EIF2AK4: variants seen among roughly 807,000 people sequenced by gnomAD.
The protein encoded by EIF2AK4 is eukaryotic translation initiation factor 2 alpha kinase 4.
EIF2AK4 carries 139 observed loss-of-function variants against 211.1 expected under a neutral mutation model. The observed-to-expected ratio is 0.66, with a 90% CI of 0.57 to 0.76. The LOEUF is 0.76. Ranked by LOEUF, EIF2AK4 falls within the 30% of genes least tolerant of loss-of-function variation. EIF2AK4 has a pLI of 0.00. For synonymous variants in EIF2AK4, 710 were observed against 751.3 expected, an observed-to-expected ratio of 0.94 and a Z score of 0.90; for missense variants, 1,664 against 2,043.8, an observed-to-expected ratio of 0.81 and a Z score of 3.58.
At chr15:39,958,707 A>G (rs1424425230) in intron 6 of EIF2AK4, among the ~76,000 whole-genome samples, 1 of 152,064 alleles carries the variant, frequency 6.6e-6, no homozygotes, top group Non-Finnish European at 1.5e-5. Context: ...TAGAACTAGC[A>G]TTTTCTGTGG....
chr15:40,025,882 C>T, intron 32 of EIF2AK4, 95 bp from the exon 33 acceptor site: 2 of 1,221,666 alleles, frequency 1.6e-6, no homozygotes, highest in African/African-American at 1.5e-5. Context: ...ACCACTGACC[C>T]AAACTATTGA....
intron 7 of EIF2AK4, among the ~76,000 whole-genome samples, chr15:39,964,157 G>C (rs940631369): frequency 6.6e-6 from 1 of 152,138 alleles, no homozygotes; most frequent in African/African-American, 2.4e-5. Context: ...AATAAAAACT[G>C]CTTGTCAGAT....
rs201755923 is a variant in EIF2AK4 at position 40,024,717 on chromosome 15, CTG to C, written c.4390-1259_4390-1258del. Among the ~76,000 whole-genome samples the C allele has an allele frequency of 3.3e-3, 483 of 144,370 alleles. 5 individuals are homozygous for C. The Middle Eastern group carries it at 0.054, about 16-fold the overall frequency. 94.7% of individuals were successfully genotyped at this position (144,370 alleles called of 152,430 possible). On this transcript the variant is annotated intron_variant, in intron 32 of 38. Transcript: ENST00000263791. ...CCAGCCTCCTTTTTTTTTTTTTACT[CTG>C]AGAATCCTGGCTTTTTTTTGTTTTT...
intron 2 of EIF2AK4, among the ~76,000 whole-genome samples, chr15:39,940,213 T>C (rs1246978843): frequency 6.6e-6 from 1 of 152,182 alleles, no homozygotes; most frequent in Non-Finnish European, 1.5e-5. Context: ...CCAGACTCCC[T>C]CTGAAGGTGA....
chr15:39,985,987 C>T, intron 14 of EIF2AK4, 99 bp downstream of exon 14: 2 of 1,023,784 alleles, frequency 2.0e-6, no homozygotes, highest in South Asian at 3.1e-5. Flanking sequence ...CAGAGGAGGG[C>T]TTATTGCCAC....
intron 7 of EIF2AK4, among the ~76,000 whole-genome samples, chr15:39,964,806 G>A (rs766183713): frequency 3.3e-5 from 5 of 152,286 alleles, no homozygotes; most frequent in Non-Finnish European, 7.3e-5. Context: ...CTAAATAAAT[G>A]TGTCTCATTT....
intron 5 of EIF2AK4, among the ~76,000 whole-genome samples, chr15:39,955,105 C>A (rs2034371767): frequency 6.6e-6 from 1 of 152,210 alleles, no homozygotes; most frequent in African/African-American, 2.4e-5. Flanking sequence ...TCCTGACCTG[C>A]CTTCCTGTCA....
Position 39,979,760 on chromosome 15 carries a change from C to G in EIF2AK4, c.2319+1613C>G, listed in dbSNP as rs117230694. Reference sequence around the variant, plus strand: ...TCAAATGGCCATCCCAGATAGATATCAAGTTTCACAGGCATTACTTTTAGT... The same window carrying G: ...TCAAATGGCCATCCCAGATAGATATGAAGTTTCACAGGCATTACTTTTAGT... On this transcript the variant is annotated intron_variant, in intron 13 of 38. Coordinates refer to ENST00000263791, the MANE Select transcript of EIF2AK4 (RefSeq NM_001013703.4). Among the ~76,000 whole-genome samples, 109 of 152,286 alleles carry G rather than the reference C, an allele frequency of 7.2e-4. 1 individual carries two copies. In the East Asian group the frequency reaches 0.018, roughly 25 times the overall value.
chr15:40,025,490 C>T (rs1043067159), intron 32 of EIF2AK4, among the ~76,000 whole-genome samples: 2 of 151,994 alleles, frequency 1.3e-5, no homozygotes, highest in Non-Finnish European at 2.9e-5. Context: ...GATGAAGGGA[C>T]AGATGCCATA....
chr15:40,028,418 G>A (rs1051094450), intron 33 of EIF2AK4, among the ~76,000 whole-genome samples: 3 of 152,122 alleles, frequency 2.0e-5, no homozygotes, highest in African/African-American at 7.2e-5. Context: ...CAATGATTTT[G>A]CTTCCCAGGG....
chr15:39,961,854 A>G lies in EIF2AK4; in HGVS notation c.814A>G (p.Met272Val). ...PGSCEILYFN[M>V]GSPDQLMVHK... ...CTCTTGTGAAATTCTGTATTTCAAT[A>G]TGGGGAGTCCTGATCAGCTCATGGT... The change falls in exon 7 of 39, where the codon ATG becomes GTG. Residue 272 changes from methionine (M) to valine (V), a missense_variant. Met to Val is a conservative substitution (Grantham distance 21). This residue lies in a region of EIF2AK4 where 641 missense variants were observed against 729.6 expected (regional missense o/e 0.88). Transcript: ENST00000263791. 4 of 1,614,156 alleles carry G rather than the reference A, an allele frequency of 2.5e-6. No homozygotes were observed. The highest frequency in any genetic ancestry group is 3.4e-6 in the Non-Finnish European group (4 of 1,179,998).
At chr15:40,014,388 C>T (rs1219373222) in intron 27 of EIF2AK4, among the ~76,000 whole-genome samples, 4 of 152,250 alleles carry the variant, frequency 2.6e-5, no homozygotes, top group Admixed American at 6.5e-5. Context: ...GTAATCTAGG[C>T]GGAGGTTCCC....
At position 39,967,854 on chromosome 15, in the gene EIF2AK4, G is replaced by T. The variant is rs1221562690; in HGVS notation, c.1528G>T (p.Ala510Ser). Residue 510 changes from alanine (A) to serine (S), a missense_variant, in exon 9 of 39, where the codon GCT becomes TCT. By Grantham distance (99) the Ala-to-Ser change is moderately conservative. Transcript: ENST00000263791. Reference protein sequence around the residue: ...YPVTIPSDLPADFQDFLKKCV... With the variant: ...YPVTIPSDLPSDFQDFLKKCV... Reference sequence around the variant, plus strand: ...TGTGACCATCCCTAGTGACTTACCAGCTGACTTTCAAGATTTTCTAAAGAA... The same window carrying T: ...TGTGACCATCCCTAGTGACTTACCATCTGACTTTCAAGATTTTCTAAAGAA... 1 of 1,613,816 alleles carries T rather than the reference G, an allele frequency of 6.2e-7. No individual in the cohort carries two copies. Among genetic ancestry groups the T allele is most frequent in the Non-Finnish European group, 8.5e-7 (1 of 1,179,730 alleles).
rs1384725146 is a variant in EIF2AK4 at position 39,976,550 on chromosome 15, A to G, written c.1955A>G (p.Tyr652Cys). Residue 652 changes from tyrosine (Y) to cysteine (C), a missense_variant, in exon 12 of 39, where the codon TAC becomes TGC. Physicochemically the swap from Tyr to Cys is radical, Grantham distance 194. Transcript: ENST00000263791. ...RLHHENIVRY[Y>C]NAWIERHERP... ...CACCATGAGAACATTGTGCGCTACT[A>G]CAACGCCTGGATCGAGCGGCACGAG... 1 of 1,613,064 alleles carries G rather than the reference A, an allele frequency of 6.2e-7. No individual in the cohort carries two copies. The highest frequency in any genetic ancestry group is 8.5e-7 in the Non-Finnish European group (1 of 1,179,880).
intron 8 of EIF2AK4, 28 bp downstream of exon 8, chr15:39,965,871 A>G (rs919495662): frequency 6.2e-7 from 1 of 1,611,824 alleles, no homozygotes; most frequent in Non-Finnish European, 8.5e-7. Flanking sequence ...CTGACTGAGC[A>G]AAAGGCCTAA....
intron 13 of EIF2AK4, among the ~76,000 whole-genome samples, chr15:39,984,760 A>G (rs2034841359): frequency 6.6e-6 from 1 of 152,222 alleles, no homozygotes; most frequent in South Asian, 2.1e-4. Context: ...GGCTGAGACA[A>G]TGGGGTTTTC....
chr15:39,987,388 A>G (rs981130049), intron 14 of EIF2AK4, among the ~76,000 whole-genome samples: 1 of 152,174 alleles, frequency 6.6e-6, no homozygotes, highest in African/African-American at 2.4e-5. Flanking sequence ...CAACTCTGGC[A>G]CTAGTTGAAG....
In EIF2AK4 at chr15:39,943,451, G is replaced by A. The variant is rs763977239; in HGVS notation, c.326G>A (p.Arg109His). 1.0e-5 allele frequency: 16 copies of A among 1,575,440 alleles called. No homozygotes were observed. The African/African-American group carries it at 1.1e-4, about 11-fold the overall frequency. ...SNESVNLLKSRLEELAKKHCG... is the reference protein window; with the variant it reads ...SNESVNLLKSHLEELAKKHCG... Reference sequence around the variant, plus strand: ...GAAAGTGTCAATTTGTTAAAATCTCGCCTAGAAGAACTGGCCAAGAAACAC... The same window carrying A: ...GAAAGTGTCAATTTGTTAAAATCTCACCTAGAAGAACTGGCCAAGAAACAC... The change falls in exon 3 of 39, where the codon CGC becomes CAC. Residue 109 changes from arginine (R) to histidine (H), a missense_variant. Transcript: ENST00000263791.
intron 3 of EIF2AK4, among the ~76,000 whole-genome samples, chr15:39,946,033 C>CAAGGAGATTATCTTGTACAAGAAATCTG (rs2034223321): frequency 2.0e-5 from 3 of 152,148 alleles, no homozygotes; most frequent in Non-Finnish European, 4.4e-5. Flanking sequence ...AGGAGATGTA[C>CAAGGAGATTATCTTGTACAAGAAATCTG]AAGGAGATTA....
Sources: allele counts gnomAD v4.1 joint callset (sites outside exome capture counted in the v4.1 genomes callset), GRCh38; gene constraint gnomAD v4.1.1; regional missense constraint gnomAD v4.1.1; transcripts MANE v1.5; gene names NCBI Gene and HGNC (gene_info 2026-07-23, HGNC 2026-07-21).